SLC9A7: variants seen among roughly 807,000 people sequenced by gnomAD.
SLC9A7 encodes the protein solute carrier family 9 member A7.
SLC9A7 carries 19 observed loss-of-function variants against 52.6 expected under a neutral mutation model. The ratio of observed to expected loss-of-function variants is 0.36; its 90% CI spans 0.25 to 0.53. The LOEUF (loss-of-function observed/expected upper bound fraction) is 0.53, where lower values mean the gene tolerates loss of function less well. Among genes scored for constraint, SLC9A7 ranks in the 20% least tolerant of loss-of-function variants. The probability of loss-of-function intolerance (pLI) is 0.91; values close to 1 mark genes in which losing one functional copy is unlikely to be tolerated. For missense variants in SLC9A7, 455 were observed against 597.9 expected, an observed-to-expected ratio of 0.76 and a Z score of 2.49; for synonymous variants, 226 against 252.1, an observed-to-expected ratio of 0.90 and a Z score of 0.98.
chrX:46,646,586 G>A (rs1264498254), intron 11 of SLC9A7: 7 of 222,441 alleles, frequency 3.1e-5, no homozygotes, highest in African/African-American at 1.8e-4. Context: ...TAGTCTGTCC[G>A]CTGGCCTTTA....
chrX:46,604,412 A>T lies in SLC9A7; in HGVS notation c.*2540T>A, dbSNP rs1273767027. 9.0e-6 allele frequency: 1 copy of T among 110,570 alleles called. No homozygotes were observed. The highest frequency in any genetic ancestry group is 1.9e-5 in the Non-Finnish European group (1 of 53,059). 9.1% of individuals were successfully genotyped at this position (110,570 alleles called of 1,213,427 possible). On this transcript the variant is annotated 3_prime_UTR_variant, in exon 17 of 17. Coordinates refer to ENST00000616978, the MANE Select transcript of SLC9A7 (RefSeq NM_001257291.2). Reference sequence around the variant, plus strand: ...TTATTGTAGATAAAAAGGAAAGAGGAGAATAAAAATCATTCAACTGTATTT... The same window carrying T: ...TTATTGTAGATAAAAAGGAAAGAGGTGAATAAAAATCATTCAACTGTATTT...
At chrX:46,659,823 C>A (rs1243279474) in intron 7 of SLC9A7, among the ~76,000 whole-genome samples, 2 of 87,329 alleles carry the variant, frequency 2.3e-5, no homozygotes, top group African/African-American at 9.1e-5. Context: ...GATTCAATGC[C>A]ATCCCCATCA....
At chrX:46,616,810 C>T (rs1942961389) in intron 15 of SLC9A7, among the ~76,000 whole-genome samples, 1 of 111,320 alleles carries the variant, frequency 9.0e-6, no homozygotes, top group Non-Finnish European at 1.9e-5. Flanking sequence ...CCAATTTTGT[C>T]GATGAGAAGT....
chrX:46,750,137 A>C (rs1922134154), intron 1 of SLC9A7, among the ~76,000 whole-genome samples: 1 of 111,006 alleles, frequency 9.0e-6, no homozygotes, highest in Admixed American at 9.5e-5. Context: ...CTCTGGGCAT[A>C]GATTTCCCTC....
At chrX:46,742,051 A>C (rs1375878289) in intron 1 of SLC9A7, among the ~76,000 whole-genome samples, 2 of 111,901 alleles carry the variant, frequency 1.8e-5, no homozygotes, top group Non-Finnish European at 3.8e-5. Context: ...CATTAGGGAA[A>C]TATAAATTAA....
At chrX:46,691,814 T>C (rs949782282) in intron 1 of SLC9A7, among the ~76,000 whole-genome samples, 1 of 111,239 alleles carries the variant, frequency 9.0e-6, no homozygotes, top group South Asian at 3.8e-4. Flanking sequence ...CATAACTTCC[T>C]TATTTGTCCC....
At chrX:46,640,968 C>G (rs1260105670) in intron 12 of SLC9A7, among the ~76,000 whole-genome samples, 1 of 112,422 alleles carries the variant, frequency 8.9e-6, no homozygotes, top group Non-Finnish European at 1.9e-5. Context: ...CTCTGGAAAA[C>G]AGTTGGCAGT....
chrX:46,702,951 G>A (rs1017930787), intron 1 of SLC9A7, among the ~76,000 whole-genome samples: 3 of 111,827 alleles, frequency 2.7e-5, no homozygotes, highest in Admixed American at 9.5e-5. Context: ...TGTTTTATTT[G>A]ACTATTTAAT....
chrX:46,668,621 C>A (rs1267404208), intron 5 of SLC9A7, among the ~76,000 whole-genome samples: 2 of 111,854 alleles, frequency 1.8e-5, no homozygotes, highest in African/African-American at 6.5e-5. Context: ...ACTTTGAGGA[C>A]ATTATGCTAA....
chrX:46,609,716 CAAAAG>C (rs1364562903), intron 16 of SLC9A7, among the ~76,000 whole-genome samples: 8 of 108,945 alleles, frequency 7.3e-5, no homozygotes, highest in African/African-American at 2.7e-4. Context: ...CAAAACAAAA[CAAAAG>C]AAAACAAAAA....
intron 7 of SLC9A7, 102 bp downstream of exon 7, chrX:46,661,914 A>G: frequency 1.3e-6 from 1 of 768,963 alleles, no homozygotes; most frequent in African/African-American, 2.1e-5. Flanking sequence ...GGAACACTCA[A>G]TGTAAAATTC....
At chrX:46,678,529 T>TAGGCTCAAGCTCCC (rs1291048741) in intron 3 of SLC9A7, among the ~76,000 whole-genome samples, 1 of 108,088 alleles carries the variant, frequency 9.3e-6, no homozygotes, top group African/African-American at 3.4e-5. Flanking sequence ...CTCAAACTCC[T>TAGGCTCAAGCTCCC]AGGCTCAAGC....
intron 9 of SLC9A7, 35 bp from the exon 10 acceptor site, chrX:46,651,258 G>A (rs753210667): frequency 4.3e-6 from 5 of 1,167,929 alleles, no homozygotes; most frequent in Non-Finnish European, 4.7e-6. Flanking sequence ...CTGTAACCCT[G>A]CAGTTCCCCC....
At chrX:46,664,171 T>C (rs1190321118) in intron 5 of SLC9A7, among the ~76,000 whole-genome samples, 4 of 110,719 alleles carry the variant, frequency 3.6e-5, no homozygotes, top group African/African-American at 1.3e-4. Context: ...GTTTCTACCA[T>C]ACAACTGCAA....
At chrX:46,695,696 AGCT>A (rs2146902610) in intron 1 of SLC9A7, among the ~76,000 whole-genome samples, 1 of 110,789 alleles carries the variant, frequency 9.0e-6, no homozygotes, top group East Asian at 2.8e-4. Context: ...TGGTCTGCCT[AGCT>A]GGTCCAACTG....
chrX:46,686,462 T>C (rs1221737074), intron 1 of SLC9A7, among the ~76,000 whole-genome samples: 1 of 111,870 alleles, frequency 8.9e-6, no homozygotes, highest in East Asian at 2.8e-4. Flanking sequence ...GAATAGGATA[T>C]TAGAACTGCA....
intron 1 of SLC9A7, among the ~76,000 whole-genome samples, chrX:46,730,028 G>A (rs770914887): frequency 4.5e-5 from 5 of 111,012 alleles, no homozygotes; most frequent in African/African-American, 1.6e-4. Context: ...TAACTTTCAC[G>A]GTTTCAAGTT....
chrX:46,725,288 A>G (rs1944924990), intron 1 of SLC9A7: 6 of 1,146,229 alleles, frequency 5.2e-6, no homozygotes, highest in South Asian at 1.8e-5. Context: ...AACTGTCTTC[A>G]TCAGCCAGAA....
intron 7 of SLC9A7, among the ~76,000 whole-genome samples, chrX:46,658,043 A>C (rs200629910): frequency 4.9e-5 from 5 of 101,362 alleles, no homozygotes; most frequent in African/African-American, 1.4e-4. Context: ...CAGTGCAATC[A>C]AACTAGAACT....
Sources: allele counts gnomAD v4.1 joint callset (sites outside exome capture counted in the v4.1 genomes callset), GRCh38; gene constraint gnomAD v4.1.1; transcripts MANE v1.5; gene names NCBI Gene and HGNC (gene_info 2026-07-23, HGNC 2026-07-21).